Variants in ACAP2 observed in about 807,000 individuals in gnomAD.
ACAP2 encodes ArfGAP with coiled-coil, ankyrin repeat and PH domains 2.
In ACAP2, 39 loss-of-function variants were observed where a neutral mutation model predicts 115.8. The ratio of observed to expected loss-of-function variants is 0.34; its 90% CI spans 0.26 to 0.44. The LOEUF (loss-of-function observed/expected upper bound fraction) is 0.44, where lower values mean the gene tolerates loss of function less well. ACAP2 is among the 20% of genes least tolerant of loss of function. The pLI is 1.00. For synonymous variants in ACAP2, 289 were observed against 315.8 expected (o/e 0.92, Z 0.90); for missense variants, 662 against 927.6 (o/e 0.71, Z 3.72).
At chr3:195,383,950 A>G (rs868782908) in intron 2 of ACAP2, among the ~76,000 whole-genome samples, 15 of 152,312 alleles carry the variant, frequency 9.8e-5, no homozygotes, top group Middle Eastern at 6.8e-3. Context: ...AACAGCAAAG[A>G]TGAAAAAGTT....
intron 19 of ACAP2, 55 bp from the exon 20 acceptor site, chr3:195,291,870 A>G: frequency 7.0e-7 from 1 of 1,438,048 alleles, no homozygotes; most frequent in Non-Finnish European, 9.5e-7. Flanking sequence ...AGAAACAACA[A>G]TACATTTCTT....
chr3:195,332,492 T>G (rs1730237416), intron 8 of ACAP2, among the ~76,000 whole-genome samples: 2 of 152,192 alleles, frequency 1.3e-5, no homozygotes, highest in Non-Finnish European at 2.9e-5. Context: ...ACGCAAACAT[T>G]TGAGTATTTA....
chr3:195,423,823 T>C (rs1051816757), intron 1 of ACAP2, among the ~76,000 whole-genome samples: 5 of 152,140 alleles, frequency 3.3e-5, no homozygotes, highest in African/African-American at 9.7e-5. Context: ...ATGAAATTTT[T>C]TTTAAAACTT....
intron 1 of ACAP2, among the ~76,000 whole-genome samples, chr3:195,433,553 A>G (rs894419499): frequency 1.3e-5 from 2 of 152,192 alleles, no homozygotes; most frequent in Non-Finnish European, 2.9e-5. Flanking sequence ...GTCCTTCACC[A>G]CTAAATATGA....
chr3:195,438,377 T>C (rs536051170), intron 1 of ACAP2, among the ~76,000 whole-genome samples: 1 of 146,914 alleles, frequency 6.8e-6, no homozygotes, highest in Admixed American at 6.8e-5. Context: ...AATTCCATTC[T>C]ACTGCTTCTG....
At position 195,277,145 on chromosome 3, in the gene ACAP2, G is replaced by A. The variant is rs1371630118; in HGVS notation, c.*2183C>T. ...CACGCACCAATGGCCAGATCCAAAA[G>A]GAAAACTACCTAGACTTCCTCAGAT... is the stretch of plus-strand genomic sequence containing the variant. On this transcript the variant is annotated 3_prime_UTR_variant, in exon 23 of 23. Coordinates refer to ENST00000326793, the MANE Select transcript of ACAP2 (RefSeq NM_012287.6). The A allele has an allele frequency of 6.6e-6, 1 of 152,032 alleles. No homozygotes were observed. Among genetic ancestry groups the A allele is most frequent in the Non-Finnish European group, 1.5e-5 (1 of 67,988 alleles). 9.4% of individuals were successfully genotyped at this position (152,032 alleles called of 1,614,324 possible).
chr3:195,296,044 A>G, intron 16 of ACAP2, 152 bp from the exon 17 acceptor site: 1 of 610,638 alleles, frequency 1.6e-6, no homozygotes, highest in Middle Eastern at 4.4e-4. Context: ...TATATATATT[A>G]TGTTTCCCTT....
intron 4 of ACAP2, among the ~76,000 whole-genome samples, chr3:195,363,513 G>A (rs781656255): frequency 1.3e-4 from 19 of 151,868 alleles, no homozygotes; most frequent in Non-Finnish European, 2.4e-4. Context: ...GTGGTGGCAC[G>A]CACCTGTGGT....
chr3:195,436,914 TTAAAATCACTA>T (rs1344246236), intron 1 of ACAP2, among the ~76,000 whole-genome samples: 1 of 152,202 alleles, frequency 6.6e-6, no homozygotes, highest in African/African-American at 2.4e-5. Flanking sequence ...TACATGAAAC[TTAAAATCACTA>T]TAAAATGACA....
At chr3:195,309,236 T>C (rs992976880) in intron 10 of ACAP2, among the ~76,000 whole-genome samples, 4 of 152,196 alleles carry the variant, frequency 2.6e-5, no homozygotes, top group Admixed American at 2.6e-4. Flanking sequence ...TAAATGTATA[T>C]CGTGAATAAA....
At chr3:195,320,436 C>A (rs551547007) in intron 10 of ACAP2, among the ~76,000 whole-genome samples, 1 of 152,234 alleles carries the variant, frequency 6.6e-6, no homozygotes, top group Non-Finnish European at 1.5e-5. Flanking sequence ...CCACTATAGA[C>A]CAAGCATTAT....
intron 2 of ACAP2, among the ~76,000 whole-genome samples, chr3:195,383,430 C>A (rs753700918): frequency 1.3e-5 from 2 of 151,828 alleles, no homozygotes; most frequent in Non-Finnish European, 2.9e-5. Flanking sequence ...GAAAAGTTAT[C>A]TGATAAATGA....
chr3:195,402,052 T>C (rs1364375857), intron 1 of ACAP2, among the ~76,000 whole-genome samples: 1 of 152,134 alleles, frequency 6.6e-6, no homozygotes, highest in Non-Finnish European at 1.5e-5. Flanking sequence ...CACAGAGCAC[T>C]CTGCACACTT....
At chr3:195,321,020 A>G (rs1389318764) in intron 9 of ACAP2, among the ~76,000 whole-genome samples, 1 of 152,144 alleles carries the variant, frequency 6.6e-6, no homozygotes, top group Admixed American at 6.5e-5. Flanking sequence ...TTAGTGGATT[A>G]TTTTATGCAA....
Position 195,364,015 on chromosome 3 carries a change from T to C in ACAP2, c.285+16994A>G, listed in dbSNP as rs1485380453. Among the ~76,000 whole-genome samples, 5 of 152,144 alleles carry C rather than the reference T, an allele frequency of 3.3e-5. No homozygotes were observed. The South Asian group carries it at 8.3e-4, about 25-fold the overall frequency. ...ATTATGAAACTACTAAAAGAAAACA[T>C]TGGGGAAATTCTCCAGGACATTGGA... On this transcript the variant is annotated intron_variant, in intron 4 of 22. Coordinates refer to ENST00000326793, the MANE Select transcript of ACAP2 (RefSeq NM_012287.6).
At chr3:195,400,680 T>C (rs1712207529) in intron 1 of ACAP2, among the ~76,000 whole-genome samples, 1 of 152,186 alleles carries the variant, frequency 6.6e-6, no homozygotes, top group Non-Finnish European at 1.5e-5. Context: ...TTGTTATTAG[T>C]AGAGTGTCAC....
intron 4 of ACAP2, among the ~76,000 whole-genome samples, chr3:195,370,459 C>A (rs952789375): frequency 1.3e-5 from 2 of 152,140 alleles, no homozygotes; most frequent in Non-Finnish European, 2.9e-5. Context: ...CTTCTGCACA[C>A]GGCTAGCCAG....
intron 1 of ACAP2, among the ~76,000 whole-genome samples, chr3:195,433,204 A>G (rs142670906): frequency 3.2e-4 from 48 of 152,298 alleles, no homozygotes; most frequent in Non-Finnish European, 5.1e-4. Flanking sequence ...TATACTTTAA[A>G]TCATCTCTAG....
chr3:195,392,297 A>G, intron 1 of ACAP2, 150 bp from the exon 2 acceptor site: 1 of 638,000 alleles, frequency 1.6e-6, no homozygotes, highest in Non-Finnish European at 2.7e-6. Context: ...TAGTATCAAT[A>G]CTTCATAATC....
Sources: allele counts gnomAD v4.1 joint callset (sites outside exome capture counted in the v4.1 genomes callset), GRCh38; gene constraint gnomAD v4.1.1; transcripts MANE v1.5; gene names NCBI Gene and HGNC (gene_info 2026-07-23, HGNC 2026-07-21).